Variants in PEX5L observed in about 807,000 individuals in gnomAD.
PEX5L encodes peroxisomal biogenesis factor 5 like.
Under a neutral mutation model 84.0 loss-of-function variants are expected in PEX5L, and 30 were observed. That is an observed-to-expected ratio of 0.36 (90% CI 0.27 to 0.48). The LOEUF is 0.48. PEX5L is among the 20% of genes least tolerant of loss of function. PEX5L has a pLI of 0.99. For synonymous variants in PEX5L, 270 were observed against 283.1 expected, an observed-to-expected ratio of 0.95 and a Z score of 0.46; for missense variants, 533 against 754.6, an observed-to-expected ratio of 0.71 and a Z score of 3.44.
intron 3 of PEX5L, among the ~76,000 whole-genome samples, chr3:179,897,620 C>T (rs1409117704): frequency 6.6e-6 from 1 of 152,080 alleles, no homozygotes; most frequent in African/African-American, 2.4e-5. Flanking sequence ...GACTCAGGGA[C>T]TTCTGGCTCA....
At chr3:179,857,291 T>C (rs527805436) in intron 8 of PEX5L, among the ~76,000 whole-genome samples, 1 of 152,318 alleles carries the variant, frequency 6.6e-6, no homozygotes, top group African/African-American at 2.4e-5. Flanking sequence ...TAATTCTGAC[T>C]TGCTCCAGAG....
intron 7 of PEX5L, among the ~76,000 whole-genome samples, chr3:179,868,070 G>A (rs575509377): frequency 7.6e-5 from 10 of 131,478 alleles, no homozygotes; most frequent in Non-Finnish European, 1.6e-4. Context: ...TTTTAGAGAT[G>A]GGGTTTCACT....
intron 1 of PEX5L, among the ~76,000 whole-genome samples, chr3:180,024,347 A>AATATATATATATATATATAT (rs148495757): frequency 8.0e-4 from 86 of 107,618 alleles, no homozygotes; most frequent in African/African-American, 2.6e-3. Flanking sequence ...GTCCCTACTA[A>AATATATATATATATATATAT]ATATATATAT....
chr3:179,870,191 A>G (rs527881985), intron 7 of PEX5L, among the ~76,000 whole-genome samples: 121 of 152,326 alleles, frequency 7.9e-4, no homozygotes, highest in African/African-American at 2.4e-3. Context: ...CTGACAATTT[A>G]TATCCTCATA....
At chr3:179,953,869 T>C (rs1447050261) in intron 2 of PEX5L, among the ~76,000 whole-genome samples, 1 of 152,080 alleles carries the variant, frequency 6.6e-6, no homozygotes. Flanking sequence ...AAAAGGGAAA[T>C]GATGACCAAC....
intron 1 of PEX5L, among the ~76,000 whole-genome samples, chr3:179,994,902 T>C (rs966051533): frequency 6.6e-6 from 1 of 151,988 alleles, no homozygotes; most frequent in Non-Finnish European, 1.5e-5. Flanking sequence ...GTTCTTCTGT[T>C]TTGGGACTCG....
intron 1 of PEX5L, 132 bp from the exon 2 acceptor site, chr3:179,971,797 G>C: frequency 1.1e-6 from 1 of 884,390 alleles, no homozygotes. Flanking sequence ...TATATAAATT[G>C]CTCATGTACA....
intron 1 of PEX5L, among the ~76,000 whole-genome samples, chr3:179,976,627 G>A (rs1181162087): frequency 6.6e-6 from 1 of 152,004 alleles, no homozygotes; most frequent in African/African-American, 2.4e-5. Context: ...TAGTAGAGAC[G>A]GGGTTTTGCC....
chr3:179,978,903 G>A (rs963721359), intron 1 of PEX5L, among the ~76,000 whole-genome samples: 2 of 152,176 alleles, frequency 1.3e-5, no homozygotes, highest in African/African-American at 4.8e-5. Context: ...TGGAATGATA[G>A]GCAGTTCAAG....
At chr3:179,818,411 A>G (rs1019781482) in intron 9 of PEX5L, among the ~76,000 whole-genome samples, 2 of 149,662 alleles carry the variant, frequency 1.3e-5, no homozygotes, top group African/African-American at 2.5e-5. Context: ...GGATATCATC[A>G]CCTCAAGCAT....
At chr3:179,972,444 A>G (rs1004128754) in intron 1 of PEX5L, among the ~76,000 whole-genome samples, 5 of 152,132 alleles carry the variant, frequency 3.3e-5, no homozygotes, top group Non-Finnish European at 7.4e-5. Flanking sequence ...AATATGTCTG[A>G]GCCTTTTTTT....
chr3:179,986,181 T>TATATATATATATATATATATATATAA (rs58775648), intron 1 of PEX5L, among the ~76,000 whole-genome samples: 1 of 149,878 alleles, frequency 6.7e-6, no homozygotes, highest in African/African-American at 2.4e-5. Flanking sequence ...TATATATATA[T>TATATATATATATATATATATATATAA]AACTTTATGT....
At chr3:179,838,241 T>A (rs1213509831) in intron 8 of PEX5L, among the ~76,000 whole-genome samples, 1 of 152,172 alleles carries the variant, frequency 6.6e-6, no homozygotes, top group Non-Finnish European at 1.5e-5. Context: ...CCAATAACAA[T>A]TTGAGAAAAG....
chr3:179,988,388 C>CAGTAAATAAATA (rs367771314), intron 1 of PEX5L, among the ~76,000 whole-genome samples: 2 of 143,446 alleles, frequency 1.4e-5, no homozygotes, highest in African/African-American at 5.3e-5. Flanking sequence ...AAATCTGCCT[C>CAGTAAATAAATA]AATAAATAAA....
chr3:180,003,699 T>C (rs1161463882), intron 1 of PEX5L, among the ~76,000 whole-genome samples: 4 of 152,162 alleles, frequency 2.6e-5, no homozygotes, highest in East Asian at 3.9e-4. Context: ...TAAGAAAGTG[T>C]CATGAGTTTA....
intron 8 of PEX5L, among the ~76,000 whole-genome samples, chr3:179,834,168 T>C (rs1184415460): frequency 6.6e-6 from 1 of 152,160 alleles, no homozygotes; most frequent in East Asian, 1.9e-4. Context: ...ATTTCACCTA[T>C]AACTCTGATA....
At chr3:179,974,201 A>G (rs1785461487) in intron 1 of PEX5L, 1 of 985,234 alleles carries the variant, frequency 1.0e-6, no homozygotes, top group Admixed American at 6.1e-5. Flanking sequence ...GGTCTTTCAC[A>G]GTAGCCAAAG....
intron 2 of PEX5L, among the ~76,000 whole-genome samples, chr3:179,917,069 T>C (rs1262396228): frequency 6.8e-6 from 1 of 148,128 alleles, no homozygotes; most frequent in Non-Finnish European, 1.5e-5. Context: ...ATCCTTATTC[T>C]ATAAGGTTTT....
At chr3:179,901,109 A>G (rs1761175242) in intron 2 of PEX5L, among the ~76,000 whole-genome samples, 1 of 152,182 alleles carries the variant, frequency 6.6e-6, no homozygotes, top group African/African-American at 2.4e-5. Flanking sequence ...GAACTTTACA[A>G]ATTTGCTTAT....
Sources: gnomAD v4.1 joint callset for allele counts (sites outside exome capture counted in the v4.1 genomes callset) on GRCh38, gnomAD v4.1.1 for gene constraint, MANE v1.5 for transcripts, NCBI Gene and HGNC (gene_info 2026-07-23, HGNC 2026-07-21) for gene names.